KAZN: variants seen among roughly 807,000 people sequenced by gnomAD.
KAZN encodes kazrin.
In KAZN, 40 loss-of-function variants were observed where a neutral mutation model predicts 87.4. The ratio of observed to expected loss-of-function variants is 0.46; its 90% CI spans 0.36 to 0.60. The LOEUF (loss-of-function observed/expected upper bound fraction) is 0.60, where lower values mean the gene tolerates loss of function less well. Among genes scored for constraint, KAZN ranks in the 20% least tolerant of loss-of-function variants. The pLI is 0.00. For synonymous variants in KAZN, 466 were observed against 458.3 expected (o/e 1.02, Z -0.22); for missense variants, 898 against 1,073.9 (o/e 0.84, Z 2.29).
chr1:14,342,095 T>G (rs1657771912), intron 2 of KAZN, among the ~76,000 whole-genome samples: 2 of 152,228 alleles, frequency 1.3e-5, no homozygotes, highest in East Asian at 1.9e-4. Flanking sequence ...TGGTTTTCTA[T>G]TCCTGTGTTA....
chr1:13,918,070 T>C (rs1330729675), intron 1 of KAZN, among the ~76,000 whole-genome samples: 1 of 152,250 alleles, frequency 6.6e-6, no homozygotes, highest in African/African-American at 2.4e-5. Flanking sequence ...ATTCATTCTG[T>C]AGCCCATGGA....
intron 2 of KAZN, among the ~76,000 whole-genome samples, chr1:14,559,801 G>C (rs531806418): frequency 6.6e-6 from 1 of 152,082 alleles, no homozygotes; most frequent in African/African-American, 2.4e-5. Flanking sequence ...CCAAATCTGC[G>C]TGCAACTCCT....
chr1:14,777,213 GT>G (rs1252096219), intron 1 of KAZN, among the ~76,000 whole-genome samples: 1 of 151,906 alleles, frequency 6.6e-6, no homozygotes, highest in Non-Finnish European at 1.5e-5. Context: ...AGCCAGGATG[GT>G]CTCGAGCTCC....
At chr1:14,276,984 C>T (rs767764327) in intron 2 of KAZN, among the ~76,000 whole-genome samples, 14 of 152,142 alleles carry the variant, frequency 9.2e-5, no homozygotes, top group Non-Finnish European at 1.9e-4. Context: ...TGTAATTTTC[C>T]TTATACAATT....
At chr1:14,849,458 CAT>C (rs1649177035) in intron 1 of KAZN, among the ~76,000 whole-genome samples, 1 of 152,196 alleles carries the variant, frequency 6.6e-6, no homozygotes, top group Non-Finnish European at 1.5e-5. Context: ...AGTCTCTTGT[CAT>C]GTGTGTGTTC....
At chr1:14,683,405 CG>C (rs1327031444) in intron 1 of KAZN, among the ~76,000 whole-genome samples, 2 of 152,128 alleles carry the variant, frequency 1.3e-5, no homozygotes, top group African/African-American at 2.4e-5. Flanking sequence ...CATTCTCCTC[CG>C]GGGGCTCCTA....
intron 1 of KAZN, among the ~76,000 whole-genome samples, chr1:13,897,693 A>G (rs2100829356): frequency 6.6e-6 from 1 of 152,258 alleles, no homozygotes; most frequent in South Asian, 2.1e-4. Flanking sequence ...TGAGATTTAA[A>G]CTTCAGGCAG....
intron 2 of KAZN, among the ~76,000 whole-genome samples, chr1:14,399,263 C>T (rs766104527): frequency 1.3e-5 from 2 of 151,984 alleles, no homozygotes; most frequent in African/African-American, 2.4e-5. Context: ...GTGATCCTCC[C>T]GCCTCAGCCT....
chr1:14,137,309 G>C (rs1452304358), intron 1 of KAZN, among the ~76,000 whole-genome samples: 1 of 152,142 alleles, frequency 6.6e-6, no homozygotes, highest in Admixed American at 6.5e-5. Context: ...TTCTGTAAGA[G>C]GTAAGGTGTT....
intron 1 of KAZN, among the ~76,000 whole-genome samples, chr1:14,036,058 G>A (rs1641540822): frequency 6.6e-6 from 1 of 152,196 alleles, no homozygotes; most frequent in Non-Finnish European, 1.5e-5. Flanking sequence ...GAAGCATGAA[G>A]AGAAGTTTTC....
At chr1:14,243,022 G>A (rs909099506) in intron 2 of KAZN, among the ~76,000 whole-genome samples, 8 of 152,130 alleles carry the variant, frequency 5.3e-5, no homozygotes, top group South Asian at 2.1e-4. Context: ...ATGTGACCAC[G>A]AACCCCAAAT....
chr1:14,385,427 C>T (rs1169418198), intron 2 of KAZN, among the ~76,000 whole-genome samples: 2 of 152,042 alleles, frequency 1.3e-5, no homozygotes, highest in Non-Finnish European at 2.9e-5. Context: ...TTGGATCTTT[C>T]CTGCTTTCTC....
chr1:14,266,110 G>A (rs1319031409), intron 2 of KAZN, among the ~76,000 whole-genome samples: 2 of 152,176 alleles, frequency 1.3e-5, no homozygotes, highest in African/African-American at 2.4e-5. Flanking sequence ...ATGGATAGGT[G>A]GGTGGGTAGA....
At chr1:14,016,038 C>G (rs550019003) in intron 1 of KAZN, among the ~76,000 whole-genome samples, 2 of 152,196 alleles carry the variant, frequency 1.3e-5, no homozygotes, top group African/African-American at 4.8e-5. Context: ...ACGGAAAGCT[C>G]TATGTCTCTT....
At chr1:14,671,049 T>A (rs1416638359) in intron 1 of KAZN, among the ~76,000 whole-genome samples, 1 of 151,980 alleles carries the variant, frequency 6.6e-6, no homozygotes, top group South Asian at 2.1e-4. Context: ...AGTGCTGAGG[T>A]TGAGAGGTCC....
chr1:14,275,112 C>G (rs1240556239), intron 2 of KAZN, among the ~76,000 whole-genome samples: 2 of 152,110 alleles, frequency 1.3e-5, no homozygotes, highest in Admixed American at 1.3e-4. Flanking sequence ...TTCCCACCAC[C>G]CAGTTTAATA....
intron 2 of KAZN, among the ~76,000 whole-genome samples, chr1:14,243,210 A>G (rs1649138515): frequency 6.6e-6 from 1 of 152,144 alleles, no homozygotes; most frequent in Non-Finnish European, 1.5e-5. Context: ...CCAGAAACCC[A>G]GCATCTTTCT....
chr1:14,032,071 G>A (rs562866611), intron 1 of KAZN, among the ~76,000 whole-genome samples: 10 of 152,092 alleles, frequency 6.6e-5, no homozygotes, highest in African/African-American at 2.4e-4. Context: ...CCCAAACTTG[G>A]TACTTCTGCT....
At chr1:14,462,983 G>A (rs368942180) in intron 2 of KAZN, among the ~76,000 whole-genome samples, 1 of 152,142 alleles carries the variant, frequency 6.6e-6, no homozygotes, top group Non-Finnish European at 1.5e-5. Context: ...TTATTGAACA[G>A]TACTGCTCCT....
Sources: allele counts gnomAD v4.1 joint callset (sites outside exome capture counted in the v4.1 genomes callset), GRCh38; gene constraint gnomAD v4.1.1; transcripts MANE v1.5; gene names NCBI Gene and HGNC (gene_info 2026-07-23, HGNC 2026-07-21).